Variants in COL23A1 observed in about 807,000 individuals in gnomAD.
The protein encoded by COL23A1 is collagen alpha-1(XXIII) chain.
Under a neutral mutation model 99.3 loss-of-function variants are expected in COL23A1, and 97 were observed. The observed-to-expected ratio is 0.98, with a 90% CI of 0.83 to 1.16. The LOEUF (loss-of-function observed/expected upper bound fraction) is 1.16, where lower values mean the gene tolerates loss of function less well. COL23A1 is among the 50% of genes most tolerant of loss of function. The probability of loss-of-function intolerance (pLI) is 0.00; values close to 1 mark genes in which losing one functional copy is unlikely to be tolerated. For synonymous variants in COL23A1, 320 were observed against 308.2 expected, an observed-to-expected ratio of 1.04 and a Z score of -0.40; for missense variants, 762 against 757.4, an observed-to-expected ratio of 1.01 and a Z score of -0.07.
chr5:178,323,149 G>C (rs1390850855), intron 2 of COL23A1, among the ~76,000 whole-genome samples: 1 of 152,144 alleles, frequency 6.6e-6, no homozygotes, highest in Non-Finnish European at 1.5e-5. Context: ...GGGGGTGAGG[G>C]CAGCCCAGCT....
At chr5:178,588,553 G>A (rs1764114157) in intron 1 of COL23A1, among the ~76,000 whole-genome samples, 1 of 152,182 alleles carries the variant, frequency 6.6e-6, no homozygotes, top group African/African-American at 2.4e-5. Flanking sequence ...TGAAACCATC[G>A]CCAGGAGTTT....
intron 2 of COL23A1, among the ~76,000 whole-genome samples, chr5:178,517,568 G>GTTTTTTTTTTTTTTTTTTTTTTTTTTTTT (rs70997606): frequency 2.8e-5 from 3 of 108,242 alleles, no homozygotes; most frequent in Admixed American, 1.1e-4. Context: ...TTTTTTTTTT[G>GTTTTTTTTTTTTTTTTTTTTTTTTTTTTT]TTTTTTTTTT....
rs534779236 is a variant in COL23A1 at position 178,245,805 on chromosome 5, C to A, written c.1440+137G>T. On this transcript the variant is annotated intron_variant, in intron 25 of 28. Coordinates refer to ENST00000390654, the MANE Select transcript of COL23A1 (RefSeq NM_173465.4). ...TGCACTGGACTTGGCAATGGGGACA[C>A]AGGGGGAACCAGTCAGTTGCAGTCC... 8 of 984,144 alleles carry A rather than the reference C, an allele frequency of 8.1e-6. 1 individual carries two copies. The South Asian group carries it at 1.1e-4, about 14-fold the overall frequency. The allele number at this position is 984,144 out of a possible 1,614,324, so 61.0% of individuals were successfully genotyped here.
At chr5:178,451,617 A>G (rs1175154728) in intron 2 of COL23A1, among the ~76,000 whole-genome samples, 1 of 144,142 alleles carries the variant, frequency 6.9e-6, no homozygotes, top group Non-Finnish European at 1.5e-5. Context: ...AGATCTCATC[A>G]CTGCACTAGA....
At chr5:178,385,822 C>T (rs894393729) in intron 2 of COL23A1, among the ~76,000 whole-genome samples, 3 of 152,242 alleles carry the variant, frequency 2.0e-5, no homozygotes, top group Non-Finnish European at 2.9e-5. Flanking sequence ...ACCAGGACCT[C>T]TGGGATCAGA....
chr5:178,357,271 T>C (rs1761708426), intron 2 of COL23A1, among the ~76,000 whole-genome samples: 1 of 152,172 alleles, frequency 6.6e-6, no homozygotes, highest in African/African-American at 2.4e-5. Context: ...GTGACCTCCT[T>C]CCCTTCTCAC....
In COL23A1 at chr5:178,468,392, G is replaced by A. The variant is rs1010360271; in HGVS notation, c.361+92290C>T. On this transcript the variant is annotated intron_variant, in intron 2 of 28. Coordinates refer to ENST00000390654, the MANE Select transcript of COL23A1 (RefSeq NM_173465.4). This position sits in a 1 kb window ranked among gnomAD's most constrained non-coding sequence, Gnocchi z 4.2. The stretch of plus-strand genomic sequence containing the variant: ...CACGTGGGTCAAAGGGCGATGGACT[G>A]GGCTAGGGGTCAGTGTGATGATGGT... Among the ~76,000 whole-genome samples the A allele has an allele frequency of 8.5e-5, 13 of 152,192 alleles. No individual in the cohort carries two copies. Among genetic ancestry groups the A allele is most frequent in the Admixed American group, 3.3e-4 (5 of 15,282 alleles).
chr5:178,358,739 ATCTGTG>A (rs1561899177), intron 2 of COL23A1, among the ~76,000 whole-genome samples: 2 of 108,974 alleles, frequency 1.8e-5, no homozygotes, highest in African/African-American at 6.7e-5. Flanking sequence ...GTGTATGTGT[ATCTGTG>A]TGTGTATCTG....
At chr5:178,443,223 G>T (rs1320988175) in intron 2 of COL23A1, 1 of 152,116 alleles carries the variant, frequency 6.6e-6, no homozygotes, top group Non-Finnish European at 1.5e-5. Context: ...TTTGGTTCAA[G>T]GCAGGAAACG....
chr5:178,385,240 G>A (rs1763607695), intron 2 of COL23A1, among the ~76,000 whole-genome samples: 1 of 152,174 alleles, frequency 6.6e-6, no homozygotes, highest in African/African-American at 2.4e-5. Flanking sequence ...CTTCCGCTCT[G>A]GCAGGGTGGG....
intron 1 of COL23A1, among the ~76,000 whole-genome samples, chr5:178,578,655 T>G: frequency 6.6e-6 from 1 of 152,148 alleles, no homozygotes; most frequent in Non-Finnish European, 1.5e-5. Context: ...AAGCACCGCC[T>G]TCCCCCACCC....
At chr5:178,557,576 C>G (rs534684506) in intron 2 of COL23A1, among the ~76,000 whole-genome samples, 11 of 152,294 alleles carry the variant, frequency 7.2e-5, no homozygotes, top group African/African-American at 2.6e-4. Context: ...CTCTGGCCTT[C>G]CTTATCTGCC....
At chr5:178,548,037 A>ACCCACAAACACACCCC (rs1562078552) in intron 2 of COL23A1, among the ~76,000 whole-genome samples, 1 of 5,148 alleles carries the variant, frequency 1.9e-4, no homozygotes, top group Non-Finnish European at 3.4e-4. Flanking sequence ...AAACACACCC[A>ACCCACAAACACACCCC]CCCCCACACC....
In COL23A1 at chr5:178,434,157, G is replaced by A. The variant is rs1019817459; in HGVS notation, c.361+126525C>T. Among the ~76,000 whole-genome samples, 3 of 152,236 alleles carry A rather than the reference G, an allele frequency of 2.0e-5. No individual in the cohort carries two copies. Among genetic ancestry groups the A allele is most frequent in the African/African-American group, 7.2e-5 (3 of 41,470 alleles). ...CCCAATGCCTCAGGAAACAGCGACT[G>A]TCATCTTCTCCACTTTCCAGATAGG... On this transcript the variant is annotated intron_variant, in intron 2 of 28. Coordinates refer to ENST00000390654, the MANE Select transcript of COL23A1 (RefSeq NM_173465.4). The surrounding 1 kb of genome is among the most constrained non-coding windows in gnomAD (Gnocchi z 4.3).
At chr5:178,541,620 C>T (rs560715426) in intron 2 of COL23A1, among the ~76,000 whole-genome samples, 9 of 152,252 alleles carry the variant, frequency 5.9e-5, no homozygotes, top group Admixed American at 3.3e-4. Context: ...GTATACCTTA[C>T]GCCCAGCAAT....
At chr5:178,586,384 C>T (rs72810641) in intron 1 of COL23A1, among the ~76,000 whole-genome samples, 6,501 of 152,272 alleles carry the variant, frequency 0.043, 228 homozygotes, top group Non-Finnish European at 0.065. Context: ...AAACTCTCTT[C>T]TGCTGATAGG....
chr5:178,247,406 G>T, intron 22 of COL23A1, 120 bp downstream of exon 22: 1 of 1,158,462 alleles, frequency 8.6e-7, no homozygotes, highest in Non-Finnish European at 1.3e-6. Flanking sequence ...CAGGCGCTGG[G>T]AAGACTCAGG....
chr5:178,587,886 A>G (rs1335100916), intron 1 of COL23A1, among the ~76,000 whole-genome samples: 1 of 152,172 alleles, frequency 6.6e-6, no homozygotes, highest in Non-Finnish European at 1.5e-5. Flanking sequence ...TAAGAGAGAG[A>G]AGCTGTCTCA....
In COL23A1 at chr5:178,549,081, C is replaced by T. The variant is rs550713487; in HGVS notation, c.361+11601G>A. ...CACGATCTCGGCTCACTGCAACCTC[C>T]GCTTCCCAGGTTCAAGCAATTCTCC... On this transcript the variant is annotated intron_variant, in intron 2 of 28. Transcript: ENST00000390654. Among the ~76,000 whole-genome samples, 173 of 152,182 alleles carry T rather than the reference C, an allele frequency of 1.1e-3. 2 individuals carry two copies. In the South Asian group the frequency reaches 0.025, roughly 22 times the overall value.
Sources: allele counts gnomAD v4.1 joint callset (sites outside exome capture counted in the v4.1 genomes callset), GRCh38; gene constraint gnomAD v4.1.1; non-coding constraint Gnocchi (gnomAD v3.1); transcripts MANE v1.5; gene names NCBI Gene and HGNC (gene_info 2026-07-23, HGNC 2026-07-21).